Variants in UBE3D observed in about 807,000 individuals in gnomAD.
The protein encoded by UBE3D is E3 ubiquitin-protein ligase E3D.
A neutral mutation model predicts 49.6 loss-of-function variants in UBE3D; 48 were observed. That is an observed-to-expected ratio of 0.97 (90% CI 0.77 to 1.23). The LOEUF (loss-of-function observed/expected upper bound fraction) is 1.23, where lower values mean the gene tolerates loss of function less well. Among genes scored for constraint, UBE3D ranks in the 50% most tolerant of loss-of-function variants. The pLI is 0.00. For synonymous variants in UBE3D, 189 were observed against 174.2 expected (o/e 1.08, Z -0.67); for missense variants, 452 against 468.4 (o/e 0.96, Z 0.32).
intron 8 of UBE3D, among the ~76,000 whole-genome samples, chr6:83,016,200 G>C (rs1256500578): frequency 6.6e-6 from 1 of 152,142 alleles, no homozygotes; most frequent in Non-Finnish European, 1.5e-5. Context: ...TTCTGAAGCT[G>C]GGAGTTAGAA....
intron 8 of UBE3D, among the ~76,000 whole-genome samples, chr6:82,990,165 C>A (rs890601032): frequency 1.3e-5 from 2 of 152,144 alleles, no homozygotes; most frequent in Non-Finnish European, 2.9e-5. Context: ...GGTTTAGAAT[C>A]CCTCATGTGG....
Position 83,038,443 on chromosome 6 carries a change from C to T in UBE3D, c.640G>A (p.Val214Ile), listed in dbSNP as rs760811107. Residue 214 changes from valine (V) to isoleucine (I), a missense_variant, in exon 5 of 10, where the codon GTA (valine) becomes ATA (isoleucine). Transcript: ENST00000369747. Reference sequence around the variant, plus strand: ...GATGACACGGTCTCTCCCAACATTACCTTGCAACGCTTACAAATTACTTTG... The same window carrying T: ...GATGACACGGTCTCTCCCAACATTATCTTGCAACGCTTACAAATTACTTTG... ...NTKVICKRCK[V>I]MLGETVSSET... 2 of 1,611,886 alleles carry T rather than the reference C, an allele frequency of 1.2e-6. No individual in the cohort carries two copies. Among genetic ancestry groups the T allele is most frequent in the East Asian group, 2.2e-5 (1 of 44,722 alleles).
chr6:83,010,754 G>A (rs530819855), intron 8 of UBE3D, among the ~76,000 whole-genome samples: 1 of 152,246 alleles, frequency 6.6e-6, no homozygotes, highest in Admixed American at 6.5e-5. Flanking sequence ...ATGTAGGCTG[G>A]GAGGCAAAGC....
At chr6:82,898,781 C>T (rs1771521039) in intron 9 of UBE3D, among the ~76,000 whole-genome samples, 1 of 152,072 alleles carries the variant, frequency 6.6e-6, no homozygotes, top group South Asian at 2.1e-4. Flanking sequence ...GCCTATGTAA[C>T]AAAACTGCAC....
At chr6:82,969,505 G>A (rs1411567705) in intron 8 of UBE3D, among the ~76,000 whole-genome samples, 1 of 152,146 alleles carries the variant, frequency 6.6e-6, no homozygotes, top group African/African-American at 2.4e-5. Flanking sequence ...CTACTTGGGA[G>A]GCTGAGGTAG....
chr6:82,949,256 C>A lies in UBE3D; in HGVS notation c.1149+8056G>T, dbSNP rs576112810. Among the ~76,000 whole-genome samples the A allele has an allele frequency of 3.9e-5, 6 of 152,000 alleles. No homozygotes were observed. In the East Asian group the frequency reaches 1.2e-3, roughly 29 times the overall value. On this transcript the variant is annotated intron_variant, in intron 9 of 9. Coordinates refer to ENST00000369747, the MANE Select transcript of UBE3D (RefSeq NM_198920.3). ...ATTTGAAAAATAAATTAAAAATAAT[C>A]CCATTTACAATAGCTACAAACAGAG...
intron 3 of UBE3D, 115 bp from the exon 4 acceptor site, chr6:83,044,774 A>T (rs1782916961): frequency 7.3e-6 from 6 of 825,156 alleles, no homozygotes; most frequent in South Asian, 3.6e-5. Context: ...TGCAATGCTA[A>T]TTTTTTCCCC....
At chr6:82,941,072 G>T (rs964827606) in intron 9 of UBE3D, among the ~76,000 whole-genome samples, 1 of 152,002 alleles carries the variant, frequency 6.6e-6, no homozygotes, top group African/African-American at 2.4e-5. Flanking sequence ...AATTAGCCGG[G>T]TGTGGCGTCT....
chr6:83,000,845 C>CTTTT (rs36049759), intron 8 of UBE3D, among the ~76,000 whole-genome samples: 11 of 140,984 alleles, frequency 7.8e-5, no homozygotes, highest in African/African-American at 2.9e-4. Context: ...AGCATCAATT[C>CTTTT]TTTTTTTTTT....
At chr6:82,987,955 AAAGC>A (rs1418477601) in intron 8 of UBE3D, among the ~76,000 whole-genome samples, 2 of 152,248 alleles carry the variant, frequency 1.3e-5, no homozygotes, top group South Asian at 2.1e-4. Flanking sequence ...AGAAGTGAAA[AAAGC>A]AAGTTGCAAA....
intron 3 of UBE3D, among the ~76,000 whole-genome samples, chr6:83,052,717 G>A (rs921761412): frequency 4.6e-5 from 7 of 152,080 alleles, no homozygotes; most frequent in African/African-American, 1.7e-4. Flanking sequence ...GTAAATAGAG[G>A]TAAACTCATA....
chr6:82,908,612 GA>G (rs906458254), intron 9 of UBE3D, among the ~76,000 whole-genome samples: 5 of 152,062 alleles, frequency 3.3e-5, no homozygotes, highest in South Asian at 2.1e-4. Flanking sequence ...AAGATTGGGG[GA>G]AAAAATTTCA....
chr6:83,049,273 A>G (rs1394420122), intron 3 of UBE3D, among the ~76,000 whole-genome samples: 1 of 152,198 alleles, frequency 6.6e-6, no homozygotes, highest in Non-Finnish European at 1.5e-5. Flanking sequence ...CTGGATTATA[A>G]TCAAGTGGAC....
At chr6:82,898,074 GA>G (rs1771460596) in intron 9 of UBE3D, among the ~76,000 whole-genome samples, 1 of 152,116 alleles carries the variant, frequency 6.6e-6, no homozygotes. Flanking sequence ...AAACATATGA[GA>G]AAAAGCTCAT....
At chr6:83,003,715 A>G (rs1402500913) in intron 8 of UBE3D, among the ~76,000 whole-genome samples, 2 of 152,224 alleles carry the variant, frequency 1.3e-5, no homozygotes, top group Non-Finnish European at 2.9e-5. Context: ...CTATGTATCT[A>G]AACATATCTA....
intron 9 of UBE3D, among the ~76,000 whole-genome samples, chr6:82,911,474 T>G (rs1327165068): frequency 6.6e-6 from 1 of 152,146 alleles, no homozygotes; most frequent in African/African-American, 2.4e-5. Flanking sequence ...TCTAATTACA[T>G]GAAAATAAAA....
At chr6:82,970,420 A>C (rs1412801239) in intron 8 of UBE3D, among the ~76,000 whole-genome samples, 1 of 152,186 alleles carries the variant, frequency 6.6e-6, no homozygotes, top group Non-Finnish European at 1.5e-5. Context: ...CCTTATTGAC[A>C]GAAAGAACCT....
intron 9 of UBE3D, among the ~76,000 whole-genome samples, chr6:82,893,419 T>C (rs959636488): frequency 2.6e-5 from 4 of 152,316 alleles, no homozygotes; most frequent in Middle Eastern, 3.4e-3. Context: ...CTCATCCCTA[T>C]AGGTAATTAT....
intron 8 of UBE3D, among the ~76,000 whole-genome samples, chr6:83,010,436 T>C (rs960796619): frequency 2.0e-5 from 3 of 152,134 alleles, no homozygotes; most frequent in African/African-American, 7.2e-5. Flanking sequence ...TAATGCAATA[T>C]ACACTTGATT....
Sources: gnomAD v4.1 joint callset for allele counts (sites outside exome capture counted in the v4.1 genomes callset) on GRCh38, gnomAD v4.1.1 for gene constraint, MANE v1.5 for transcripts, NCBI Gene and HGNC (gene_info 2026-07-23, HGNC 2026-07-21) for gene names.